The following UBE3B variants were observed in gnomAD, a reference collection of about 807,000 sequenced individuals.
The protein encoded by UBE3B is ubiquitin-protein ligase E3B.
A neutral mutation model predicts 132.3 loss-of-function variants in UBE3B; 80 were observed. The ratio of observed to expected loss-of-function variants is 0.60; its 90% CI spans 0.50 to 0.73. The LOEUF (loss-of-function observed/expected upper bound fraction) is 0.73, where lower values mean the gene tolerates loss of function less well. Ranked by LOEUF, UBE3B falls within the 30% of genes least tolerant of loss-of-function variation. The pLI, the probability that UBE3B is intolerant of heterozygous loss-of-function variation, is 0.00. For missense variants in UBE3B, 1,196 were observed against 1,362.5 expected, an observed-to-expected ratio of 0.88 and a Z score of 1.92; for synonymous variants, 487 against 520.4, an observed-to-expected ratio of 0.94 and a Z score of 0.87.
intron 14 of UBE3B, among the ~76,000 whole-genome samples, chr12:109,504,496 A>G (rs145839172): frequency 3.9e-4 from 60 of 152,270 alleles, no homozygotes; most frequent in African/African-American, 1.2e-3. Flanking sequence ...TGTTGGCCCA[A>G]CCACCTGTGT....
chr12:109,541,558 A>C (rs1373178819), downstream of UBE3B, among the ~76,000 whole-genome samples: 1 of 152,228 alleles, frequency 6.6e-6, no homozygotes, highest in Non-Finnish European at 1.5e-5. Flanking sequence ...GGCAGGGTGG[A>C]GTATTGGGTC....
the UBE3B span, among the ~76,000 whole-genome samples, chr12:109,544,123 A>C: frequency 2.4e-4 from 37 of 152,266 alleles, no homozygotes; most frequent in African/African-American, 8.7e-4. Context: ...CCCCAGCAAT[A>C]ACAACAAAAC....
intron 6 of UBE3B, 35 bp from the exon 7 acceptor site, chr12:109,488,537 G>C (rs541878906): frequency 6.4e-7 from 1 of 1,570,590 alleles, no homozygotes; most frequent in South Asian, 1.1e-5. Context: ...ATCAGAAGAC[G>C]TGTGTCTTAA....
chr12:109,488,729 C>G (rs1876929824), intron 7 of UBE3B, 61 bp downstream of exon 7: 1 of 1,521,332 alleles, frequency 6.6e-7, no homozygotes, highest in Non-Finnish European at 9.1e-7. Flanking sequence ...GCTCAGGGAC[C>G]TTTTTTCCTT....
chr12:109,514,332 A>G (rs910240123), intron 18 of UBE3B, among the ~76,000 whole-genome samples: 12 of 152,102 alleles, frequency 7.9e-5, no homozygotes, highest in African/African-American at 2.9e-4. Flanking sequence ...TAAGGTCTTC[A>G]TCTGTAGAAT....
At chr12:109,479,463 G>A (rs1182456979) in intron 1 of UBE3B, among the ~76,000 whole-genome samples, 2 of 152,304 alleles carry the variant, frequency 1.3e-5, no homozygotes, top group East Asian at 3.9e-4. Flanking sequence ...GGCCTAGAGA[G>A]GATAAGTAAC....
intron 14 of UBE3B, among the ~76,000 whole-genome samples, chr12:109,505,558 C>T (rs747664467): frequency 6.6e-6 from 1 of 152,228 alleles, no homozygotes; most frequent in Non-Finnish European, 1.5e-5. Flanking sequence ...GAGAGTTCCA[C>T]ATTCTTGGGT....
At chr12:109,490,362 A>G in intron 8 of UBE3B, 1 of 1,478,990 alleles carries the variant, frequency 6.8e-7, no homozygotes, top group South Asian at 1.4e-5. Flanking sequence ...AGCCCTTTCC[A>G]CTTTGTACCT....
chr12:109,507,432 TCC>T (rs1879828058), intron 14 of UBE3B, 130 bp from the exon 15 acceptor site: 1 of 983,690 alleles, frequency 1.0e-6, no homozygotes, highest in Non-Finnish European at 1.5e-6. Flanking sequence ...TTCTCCATAA[TCC>T]CACCTTCTTT....
chr12:109,508,851 C>A, intron 15 of UBE3B: 1 of 686,200 alleles, frequency 1.5e-6, no homozygotes, highest in Non-Finnish European at 1.8e-6. Context: ...CAAATGCTTA[C>A]TAAGTACCTG....
At chr12:109,508,541 A>C in intron 15 of UBE3B, 1 of 985,524 alleles carries the variant, frequency 1.0e-6, no homozygotes, top group Middle Eastern at 5.2e-4. Context: ...GTTGGTGAAG[A>C]ATTATAAGAT....
chr12:109,492,361 A>G (rs1877579394), intron 9 of UBE3B: 1 of 152,198 alleles, frequency 6.6e-6, no homozygotes, highest in Non-Finnish European at 1.5e-5. Context: ...AGATATAGAA[A>G]ACTTCCAGCA....
At chr12:109,495,341 A>G (rs1228817149) in intron 9 of UBE3B, among the ~76,000 whole-genome samples, 1 of 152,094 alleles carries the variant, frequency 6.6e-6, no homozygotes, top group Non-Finnish European at 1.5e-5. Context: ...TTGTTCTCAT[A>G]CCTTTTTTTC....
At chr12:109,484,801 G>A (rs1876125256) in intron 4 of UBE3B, among the ~76,000 whole-genome samples, 1 of 151,890 alleles carries the variant, frequency 6.6e-6, no homozygotes, top group Admixed American at 6.5e-5. Context: ...TGTCGCCCAG[G>A]CTGGAGTGCA....
At chr12:109,509,133 G>A (rs1018733111) in intron 15 of UBE3B, 1 of 152,280 alleles carries the variant, frequency 6.6e-6, no homozygotes, top group Non-Finnish European at 1.5e-5. Context: ...ACCCTCATGT[G>A]CCCATTATCA....
rs1343864546 is a variant in UBE3B at position 109,521,461 on chromosome 12, G to C, written c.2274G>C (p.Arg758Ser). 1 of 1,592,956 alleles carries C rather than the reference G, an allele frequency of 6.3e-7. No individual in the cohort carries two copies. Among genetic ancestry groups the C allele is most frequent in the African/African-American group, 1.3e-5 (1 of 74,476 alleles). The change falls in exon 21 of 28, where the codon AGG becomes AGC. Residue 758 changes from arginine (R) to serine (S), a missense_variant. Physicochemically the swap from Arg to Ser is moderately radical, Grantham distance 110. Coordinates refer to ENST00000342494, the MANE Select transcript of UBE3B (RefSeq NM_130466.4). This position sits in a 1 kb window ranked among gnomAD's most constrained non-coding sequence, Gnocchi z 4.2. ...NLFKTTSGDE[R>S]LYPSPTSYIH... is the part of the protein sequence containing the mutation. Reference sequence around the variant, plus strand: ...TGCAGACAACCAGTGGGGATGAGAGGCTGTACCCCTCACCCACATCCTACA... The same window carrying C: ...TGCAGACAACCAGTGGGGATGAGAGCCTGTACCCCTCACCCACATCCTACA...
chr12:109,537,518 T>C (rs1052762300), downstream of UBE3B, among the ~76,000 whole-genome samples: 3 of 152,262 alleles, frequency 2.0e-5, no homozygotes, highest in East Asian at 5.8e-4. Context: ...GCTTGTGGCC[T>C]CTCTGGAAGT....
At chr12:109,543,520 T>G in the UBE3B span, among the ~76,000 whole-genome samples, 1 of 152,206 alleles carries the variant, frequency 6.6e-6, no homozygotes, top group African/African-American at 2.4e-5. Context: ...GATCCTTTGT[T>G]TCTCTCCAGG....
intron 14 of UBE3B, among the ~76,000 whole-genome samples, chr12:109,504,624 ACT>A (rs1381030418): frequency 1.3e-5 from 2 of 151,994 alleles, no homozygotes; most frequent in African/African-American, 4.8e-5. Context: ...CAGAGGTGAC[ACT>A]CTGGGAGCAT....
Sources: allele counts gnomAD v4.1 joint callset (sites outside exome capture counted in the v4.1 genomes callset), GRCh38; gene constraint gnomAD v4.1.1; non-coding constraint Gnocchi (gnomAD v3.1); transcripts MANE v1.5; gene names NCBI Gene and HGNC (gene_info 2026-07-23, HGNC 2026-07-21).